Variants in HEATR4 observed in about 807,000 individuals in gnomAD.
HEATR4 encodes HEAT repeat containing 4.
A neutral mutation model predicts 108.8 loss-of-function variants in HEATR4; 95 were observed. That is an observed-to-expected ratio of 0.87 (90% CI 0.74 to 1.04). HEATR4 has a LOEUF of 1.04. HEATR4 is among the 50% of genes least tolerant of loss of function. The pLI, the probability that HEATR4 is intolerant of heterozygous loss-of-function variation, is 0.00. For synonymous variants in HEATR4, 443 were observed against 459.4 expected (o/e 0.96, Z 0.46); for missense variants, 1,152 against 1,253.8 (o/e 0.92, Z 1.23).
the HEATR4 span, among the ~76,000 whole-genome samples, chr14:73,575,842 A>G: frequency 6.6e-6 from 1 of 151,946 alleles, no homozygotes; most frequent in Non-Finnish European, 1.5e-5. Flanking sequence ...ATGGAGTTCA[A>G]TAATTATTTG....
chr14:73,589,240 TC>T, the HEATR4 span, among the ~76,000 whole-genome samples: 1 of 152,160 alleles, frequency 6.6e-6, no homozygotes, highest in Admixed American at 6.5e-5. Flanking sequence ...CATCCCTCCC[TC>T]CCCACAATCC....
the HEATR4 span, chr14:73,619,484 A>T: frequency 6.2e-7 from 1 of 1,614,242 alleles, no homozygotes; most frequent in Non-Finnish European, 8.5e-7. Flanking sequence ...GAGGAACACA[A>T]TCACCAAAGT....
chr14:73,550,668 T>C lies in HEATR4; in HGVS notation c.-152+8083A>G, dbSNP rs181394269. ...GCCTTGAACCCTCTCTCTCACAGTA[T>C]ACAGTCCATTCTGCATGTAAATTTC... On this transcript the variant is annotated intron_variant, in intron 1 of 17. Coordinates refer to ENST00000553558, the MANE Select transcript of HEATR4 (RefSeq NM_001220484.1). 1.8e-5 allele frequency among the ~76,000 whole-genome samples: 2 copies of C among 112,366 alleles called. 1 individual carries two copies. The highest frequency in any genetic ancestry group is 5.8e-5 in the African/African-American group (2 of 34,340). 73.7% of individuals were successfully genotyped at this position (112,366 alleles called of 152,430 possible). A position where few individuals can be genotyped will look rare whatever the true frequency, so the allele number is the denominator to read the frequency against.
chr14:73,593,338 T>TTC, the HEATR4 span, among the ~76,000 whole-genome samples: 2 of 54,122 alleles, frequency 3.7e-5, no homozygotes, highest in South Asian at 5.0e-4. Context: ...CTTTCTTTCT[T>TTC]TTTTTTTTTT....
chr14:73,610,840 A>G, the HEATR4 span: 1 of 152,274 alleles, frequency 6.6e-6, no homozygotes, highest in East Asian at 1.9e-4. Flanking sequence ...CCCTGGCTCT[A>G]TTCCAGCCCC....
At chr14:73,626,789 C>CCT in the HEATR4 span, among the ~76,000 whole-genome samples, 1 of 82,358 alleles carries the variant, frequency 1.2e-5, no homozygotes. Context: ...GACAAACAGC[C>CCT]TTTTTTTTTT....
chr14:73,514,897 G>T (rs1400033089), intron 5 of HEATR4, among the ~76,000 whole-genome samples: 2 of 151,852 alleles, frequency 1.3e-5, no homozygotes, highest in Non-Finnish European at 2.9e-5. Context: ...TGAAAACCCC[G>T]TCTCTACTAA....
chr14:73,581,212 AT>A, the HEATR4 span: 1 of 151,512 alleles, frequency 6.6e-6, no homozygotes, highest in Non-Finnish European at 1.5e-5. Context: ...AGACTGGGTA[AT>A]TTATAAACAA....
Position 73,519,098 on chromosome 14 carries a change from G to T in HEATR4, c.1135C>A (p.Arg379=), listed in dbSNP as rs201416956. 2 of 1,613,940 alleles carry T rather than the reference G, an allele frequency of 1.2e-6. No individual in the cohort carries two copies. The highest frequency in any genetic ancestry group is 2.2e-5 in the East Asian group (1 of 44,866). The change falls in exon 5 of 18, where the codon CGG becomes AGG. Residue 379 remains arginine, a synonymous_variant. Coordinates refer to ENST00000553558, the MANE Select transcript of HEATR4 (RefSeq NM_001220484.1). The part of the protein sequence containing the change: ...RDQIVLENLN[R]YNKQLSKVFP... ...ACCTTAGATAGCTGCTTGTTGTACCGATTTAGGTTTTCCAGGACAATCTGG... is the reference window on the plus strand; with the variant it reads ...ACCTTAGATAGCTGCTTGTTGTACCTATTTAGGTTTTCCAGGACAATCTGG...
chr14:73,624,008 C>T, the HEATR4 span, among the ~76,000 whole-genome samples: 1 of 151,806 alleles, frequency 6.6e-6, no homozygotes, highest in Non-Finnish European at 1.5e-5. Context: ...TCTTTTTGGC[C>T]AGGGCCAGTG....
At chr14:73,612,536 G>A in the HEATR4 span, 2 of 1,238,032 alleles carry the variant, frequency 1.6e-6, no homozygotes, top group Non-Finnish European at 2.1e-6. Context: ...CACTGACTCC[G>A]CGGAGCTGGG....
At chr14:73,570,272 TAA>T in the HEATR4 span, among the ~76,000 whole-genome samples, 55 of 151,582 alleles carry the variant, frequency 3.6e-4, no homozygotes, top group African/African-American at 1.2e-3. Context: ...AGTGCTCAGT[TAA>T]AAGACATTGT....
chr14:73,596,630 ACT>A, the HEATR4 span: 3 of 151,998 alleles, frequency 2.0e-5, no homozygotes, highest in African/African-American at 7.3e-5. Flanking sequence ...AGACAGAGTC[ACT>A]CTGTTGCCCA....
chr14:73,577,222 G>A, the HEATR4 span, among the ~76,000 whole-genome samples: 11 of 150,342 alleles, frequency 7.3e-5, no homozygotes, highest in African/African-American at 1.7e-4. Context: ...GTGAGCCACC[G>A]CTGCCAGCTT....
At chr14:73,577,918 T>C in the HEATR4 span, among the ~76,000 whole-genome samples, 7 of 151,948 alleles carry the variant, frequency 4.6e-5, no homozygotes, top group African/African-American at 1.7e-4. Flanking sequence ...TGGCTTGATC[T>C]TGGCTCACTG....
chr14:73,523,162 C>A lies in HEATR4; in HGVS notation c.-10G>T. The stretch of plus-strand genomic sequence containing the variant: ...TCTGGGTCCTGGTCATACCGCGTCC[C>A]AGCAAATGCTTCCTTCCACACTGCC... On this transcript the variant is annotated 5_prime_UTR_variant, in exon 3 of 18. Coordinates refer to ENST00000553558, the MANE Select transcript of HEATR4 (RefSeq NM_001220484.1). 6.4e-7 allele frequency: 1 copy of A among 1,564,992 alleles called. No homozygotes were observed. Among genetic ancestry groups the A allele is most frequent in the East Asian group, 2.3e-5 (1 of 43,778 alleles).
At chr14:73,586,917 T>G in the HEATR4 span, among the ~76,000 whole-genome samples, 3 of 151,852 alleles carry the variant, frequency 2.0e-5, no homozygotes, top group Non-Finnish European at 4.4e-5. Context: ...GTTGCCCAGG[T>G]TGGTTTCAAA....
At chr14:73,585,379 C>A in the HEATR4 span, among the ~76,000 whole-genome samples, 1 of 152,188 alleles carries the variant, frequency 6.6e-6, no homozygotes, top group Admixed American at 6.5e-5. Context: ...GCCAAGTCCC[C>A]ACTTTTTAAT....
chr14:73,484,295 C>T (rs147032824), intron 17 of HEATR4, among the ~76,000 whole-genome samples: 2 of 151,916 alleles, frequency 1.3e-5, no homozygotes, highest in Admixed American at 6.6e-5. Context: ...CAAGACTCAG[C>T]CAATTTGTTC....
Sources: gnomAD v4.1 joint callset for allele counts (sites outside exome capture counted in the v4.1 genomes callset) on GRCh38, gnomAD v4.1.1 for gene constraint, MANE v1.5 for transcripts, NCBI Gene and HGNC (gene_info 2026-07-23, HGNC 2026-07-21) for gene names.